Variants in DAB2 observed in about 807,000 individuals in gnomAD.
DAB2 encodes DAB adaptor protein 2.
A neutral mutation model predicts 71.6 loss-of-function variants in DAB2; 28 were observed. That is an observed-to-expected ratio of 0.39 (90% CI 0.29 to 0.54). DAB2 has a LOEUF of 0.54. Ranked by LOEUF, DAB2 falls within the 20% of genes least tolerant of loss-of-function variation. The pLI, the probability that DAB2 is intolerant of heterozygous loss-of-function variation, is 0.68. For synonymous variants in DAB2, 345 were observed against 339.7 expected, an observed-to-expected ratio of 1.02 and a Z score of -0.17; for missense variants, 867 against 928.8, an observed-to-expected ratio of 0.93 and a Z score of 0.86.
intron 1 of DAB2, among the ~76,000 whole-genome samples, chr5:39,415,694 G>A (rs1755828747): frequency 6.6e-6 from 1 of 152,244 alleles, no homozygotes; most frequent in South Asian, 2.1e-4. Flanking sequence ...CTTGGTCAAT[G>A]TCAGTCTTCA....
In DAB2 at chr5:39,382,885, T is replaced by G; in HGVS notation, c.1074A>C (p.Glu358Asp). 6.2e-7 allele frequency: 1 copy of G among 1,614,148 alleles called. No individual in the cohort carries two copies. Among genetic ancestry groups the G allele is most frequent in the Non-Finnish European group, 8.5e-7 (1 of 1,180,018 alleles). The part of the protein sequence containing the change: ...DQISNRTGKQ[E>D]AQAGPWPFSS... ...AAAAGGGCCATGGGCCTGCCTGAGCTTCCTGTTTGCCAGTCCGGTTAGAGA... is the reference window on the plus strand; with the variant it reads ...AAAAGGGCCATGGGCCTGCCTGAGCGTCCTGTTTGCCAGTCCGGTTAGAGA... Residue 358 changes from glutamate (E) to aspartate (D), a missense_variant, in exon 10 of 15, where the codon GAA (glutamate) becomes GAC (aspartate). Physicochemically the swap from Glu to Asp is conservative, Grantham distance 45. This residue lies in a region of DAB2 where 740 missense variants were observed against 734.3 expected (regional missense o/e 1.01). Transcript: ENST00000320816.
At chr5:39,420,027 G>A (rs1005163369) in intron 1 of DAB2, among the ~76,000 whole-genome samples, 2 of 152,176 alleles carry the variant, frequency 1.3e-5, no homozygotes, top group South Asian at 2.1e-4. Flanking sequence ...CTTGGATCAC[G>A]TGGTGGAGAG....
chr5:39,375,127 C>A (rs767630368), intron 13 of DAB2, 43 bp from the exon 14 acceptor site: 15 of 1,463,208 alleles, frequency 1.0e-5, no homozygotes, highest in South Asian at 3.6e-5. Context: ...CAGTTACAGT[C>A]ATAAGAAAAA....
intron 1 of DAB2, among the ~76,000 whole-genome samples, chr5:39,420,474 T>C (rs1579930905): frequency 6.6e-6 from 1 of 152,178 alleles, no homozygotes; most frequent in Admixed American, 6.5e-5. Context: ...GTGACAGCCC[T>C]CATACATTGT....
In DAB2 at chr5:39,372,598, G is replaced by C. The variant is rs374657169; in HGVS notation, c.*833C>G. The C allele has an allele frequency of 9.9e-5, 15 of 151,860 alleles. 1 individual carries two copies. Among genetic ancestry groups the C allele is most frequent in the African/African-American group, 3.6e-4 (15 of 41,392 alleles). 9.4% of individuals were successfully genotyped at this position (151,860 alleles called of 1,614,324 possible). On this transcript the variant is annotated 3_prime_UTR_variant, in exon 15 of 15. Coordinates refer to ENST00000320816, the MANE Select transcript of DAB2 (RefSeq NM_001343.4). Reference sequence around the variant, plus strand: ...GACTAGCAATTACTGAGAATGAAGAGAGGCTCCAGATCTGTCTGTGAATCA... The same window carrying C: ...GACTAGCAATTACTGAGAATGAAGACAGGCTCCAGATCTGTCTGTGAATCA...
At position 39,424,902 on chromosome 5, in the gene DAB2, G is replaced by T. The variant is rs577818409; in HGVS notation, c.-200C>A. 6.6e-6 allele frequency: 1 copy of T among 152,662 alleles called. No homozygotes were observed. The highest frequency in any genetic ancestry group is 2.1e-4 in the South Asian group (1 of 4,806). The allele number at this position is 152,662 out of a possible 1,614,324, so 9.5% of individuals were successfully genotyped here. On this transcript the variant is annotated 5_prime_UTR_variant, in exon 1 of 15. Coordinates refer to ENST00000320816, the MANE Select transcript of DAB2 (RefSeq NM_001343.4). ...TGCGGCGGGCCTCGCTTAAATAGCC[G>T]CCGGCCGGGAGCTTCGGAGCCGCGC...
Position 39,388,493 on chromosome 5 carries a change from A to C in DAB2, c.625-126T>G, listed in dbSNP as rs369072853. On this transcript the variant is annotated intron_variant, in intron 8 of 14. Coordinates refer to ENST00000320816, the MANE Select transcript of DAB2 (RefSeq NM_001343.4). ...ACAATTTAATTTCCATTTAACTAAT[A>C]GATTTCATATTAAGCTGTTTAGGTC... 107 of 726,102 alleles carry C rather than the reference A, an allele frequency of 1.5e-4. 1 individual carries two copies. In the South Asian group the frequency reaches 1.7e-3, roughly 12 times the overall value. 45.0% of individuals were successfully genotyped at this position (726,102 alleles called of 1,614,324 possible).
chr5:39,372,516 GCCT>G lies in DAB2; in HGVS notation c.*912_*914del, dbSNP rs1369943246. 6.6e-6 allele frequency: 1 copy of G among 152,176 alleles called. No individual in the cohort carries two copies. Among genetic ancestry groups the G allele is most frequent in the East Asian group, 1.9e-4 (1 of 5,190 alleles). The allele number at this position is 152,176 out of a possible 1,614,324, so 9.4% of individuals were successfully genotyped here. A position where few individuals can be genotyped will look rare whatever the true frequency, so the allele number is the denominator to read the frequency against. On this transcript the variant is annotated 3_prime_UTR_variant, in exon 15 of 15. Coordinates refer to ENST00000320816, the MANE Select transcript of DAB2 (RefSeq NM_001343.4). Reference sequence around the variant, plus strand: ...TCTGGAACTTCAGCTCAAGAGAGTGGCCTCCTCTTCCACAGGAAGGATATAGGT... The same window carrying G: ...TCTGGAACTTCAGCTCAAGAGAGTGGCCTCTTCCACAGGAAGGATATAGGT...
rs532878014 is a variant in DAB2 at position 39,422,933 on chromosome 5, C to T, written c.-102+1871G>A. 2.6e-5 allele frequency among the ~76,000 whole-genome samples: 4 copies of T among 152,260 alleles called. No individual in the cohort carries two copies. The highest frequency in any genetic ancestry group is 4.1e-4 in the South Asian group (2 of 4,826). On this transcript the variant is annotated intron_variant, in intron 1 of 14. Coordinates refer to ENST00000320816, the MANE Select transcript of DAB2 (RefSeq NM_001343.4). This position sits in a 1 kb window ranked among gnomAD's most constrained non-coding sequence, Gnocchi z 4.1. ...TGGAGTTTGCCCTTCACAAATTAGACAAGGTTTGTAACAAGTGCTTTCTTC... is the reference window on the plus strand; with the variant it reads ...TGGAGTTTGCCCTTCACAAATTAGATAAGGTTTGTAACAAGTGCTTTCTTC...
chr5:39,406,999 T>C (rs376445018), intron 1 of DAB2, among the ~76,000 whole-genome samples: 148 of 152,270 alleles, frequency 9.7e-4, no homozygotes, highest in African/African-American at 3.5e-3. Context: ...AAATATACAA[T>C]GTATTATGCT....
At chr5:39,401,986 G>A (rs137958241) in intron 1 of DAB2, among the ~76,000 whole-genome samples, 6 of 152,140 alleles carry the variant, frequency 3.9e-5, no homozygotes, top group Middle Eastern at 3.4e-3. Context: ...ACAGTTCCAC[G>A]TAGCTGGGGA....
Position 39,390,533 on chromosome 5 carries a change from C to A in DAB2, c.373G>T (p.Ala125Ser), listed in dbSNP as rs1755202793. The change falls in exon 5 of 15, where the codon GCC becomes TCC. Residue 125 changes from alanine to serine, a missense_variant. Physicochemically the swap from Ala to Ser is moderately conservative, Grantham distance 99 (BLOSUM62 1). Transcript: ENST00000320816. ...EHPVNKISFI[A>S]RDVTDNRAFG... ...GCCCGGTTGTCTGTCACATCACGGGCAATGAAAGAAATCTTATTTACTGGA... is the reference window on the plus strand; with the variant it reads ...GCCCGGTTGTCTGTCACATCACGGGAAATGAAAGAAATCTTATTTACTGGA... 1.2e-6 allele frequency: 2 copies of A among 1,613,442 alleles called. No homozygotes were observed. The highest frequency in any genetic ancestry group is 1.7e-6 in the Non-Finnish European group (2 of 1,179,696).
chr5:39,402,634 T>G (rs984553076), intron 1 of DAB2, among the ~76,000 whole-genome samples: 1 of 152,196 alleles, frequency 6.6e-6, no homozygotes, highest in African/African-American at 2.4e-5. Flanking sequence ...TCCAGGCTGA[T>G]CTTGAACTCC....
At chr5:39,381,387 C>G in intron 11 of DAB2, 67 bp downstream of exon 11, 4 of 1,505,360 alleles carry the variant, frequency 2.7e-6, no homozygotes, top group Non-Finnish European at 3.7e-6. Context: ...GAAATCTCTT[C>G]CGATGCATCA....
At chr5:39,399,621 G>A (rs776963710) in intron 1 of DAB2, among the ~76,000 whole-genome samples, 4 of 152,212 alleles carry the variant, frequency 2.6e-5, no homozygotes, top group Non-Finnish European at 5.9e-5. Context: ...TCCCCCTTCT[G>A]TGGGACTAGC....
chr5:39,420,422 A>G (rs1010385288), intron 1 of DAB2, among the ~76,000 whole-genome samples: 19 of 151,976 alleles, frequency 1.3e-4, no homozygotes, highest in African/African-American at 4.6e-4. Context: ...GTTACTTCCT[A>G]TTTACCTGCT....
rs80330307 is a variant in DAB2, at chr5:39,382,518, C to G, written c.1341+100G>C. The G allele has an allele frequency of 7.7e-5, 100 of 1,301,954 alleles. No individual in the cohort carries two copies. The African/African-American group carries it at 1.3e-3, about 17-fold the overall frequency. The allele number at this position is 1,301,954 out of a possible 1,614,324, so 80.7% of individuals were successfully genotyped here. On this transcript the variant is annotated intron_variant, in intron 10 of 14. Coordinates refer to ENST00000320816, the MANE Select transcript of DAB2 (RefSeq NM_001343.4). Reference sequence around the variant, plus strand: ...TCCCACCTTCTATTTCACAGCAACACAGGAAACTACGAGAGCAGCAGGAAA... The same window carrying G: ...TCCCACCTTCTATTTCACAGCAACAGAGGAAACTACGAGAGCAGCAGGAAA...
At chr5:39,399,359 T>C (rs574414886) in intron 1 of DAB2, among the ~76,000 whole-genome samples, 23 of 152,362 alleles carry the variant, frequency 1.5e-4, no homozygotes, top group Non-Finnish European at 3.1e-4. Flanking sequence ...ATAGCTAGTT[T>C]GTTATCCTGG....
rs972143184 is a variant in DAB2 at position 39,382,535 on chromosome 5, A to C, written c.1341+83T>G. On this transcript the variant is annotated intron_variant, in intron 10 of 14. Coordinates refer to ENST00000320816, the MANE Select transcript of DAB2 (RefSeq NM_001343.4). ...CAGCAACACAGGAAACTACGAGAGC[A>C]GCAGGAAAGAGAGCTTGCATCACAC... The C allele has an allele frequency of 8.0e-6, 11 of 1,381,990 alleles. No individual in the cohort carries two copies. In the African/African-American group the frequency reaches 1.6e-4, roughly 20 times the overall value. The allele number at this position is 1,381,990 out of a possible 1,614,324, so 85.6% of individuals were successfully genotyped here. A position where few individuals can be genotyped will look rare whatever the true frequency, so the allele number is the denominator to read the frequency against.
Sources: allele counts gnomAD v4.1 joint callset (sites outside exome capture counted in the v4.1 genomes callset), GRCh38; gene constraint gnomAD v4.1.1; regional missense constraint gnomAD v4.1.1; non-coding constraint Gnocchi (gnomAD v3.1); transcripts MANE v1.5; gene names NCBI Gene and HGNC (gene_info 2026-07-23, HGNC 2026-07-21).